The following HECW1 variants were observed in gnomAD, a reference collection of about 807,000 sequenced individuals.
HECW1 encodes HECT, C2 and WW domain containing E3 ubiquitin protein ligase 1, also known as E3 ubiquitin-protein ligase HECW1.
HECW1 carries 61 observed loss-of-function variants against 182.3 expected under a neutral mutation model. That is an observed-to-expected ratio of 0.33 (90% confidence interval 0.27 to 0.41). The LOEUF is 0.41. Among genes scored for constraint, HECW1 ranks in the 10% least tolerant of loss-of-function variants. The pLI is 1.00. For synonymous variants in HECW1, 859 were observed against 832.6 expected (o/e 1.03, Z -0.55); for missense variants, 1,739 against 2,108.9 (o/e 0.82, Z 3.44).
At chr7:43,477,742 A>T (rs2078272577) in intron 16 of HECW1, among the ~76,000 whole-genome samples, 1 of 152,184 alleles carries the variant, frequency 6.6e-6, no homozygotes, top group Non-Finnish European at 1.5e-5. Context: ...CAATTATGAA[A>T]CCACTTCCTG....
At chr7:43,526,915 A>T (rs2152943509) in intron 24 of HECW1, among the ~76,000 whole-genome samples, 1 of 152,278 alleles carries the variant, frequency 6.6e-6, no homozygotes, top group Non-Finnish European at 1.5e-5. Context: ...AGGATCACTT[A>T]ACCCAGGAGG....
At chr7:43,266,838 A>G (rs1441118858) in intron 3 of HECW1, among the ~76,000 whole-genome samples, 1 of 152,252 alleles carries the variant, frequency 6.6e-6, no homozygotes, top group Non-Finnish European at 1.5e-5. Context: ...GGAATGATTA[A>G]AAGTAAAGAC....
intron 2 of HECW1, among the ~76,000 whole-genome samples, chr7:43,134,625 C>G (rs1203852064): frequency 1.3e-5 from 2 of 152,128 alleles, no homozygotes; most frequent in Non-Finnish European, 1.5e-5. Context: ...CCTGCCTCAG[C>G]CTCCTAAGTA....
chr7:43,393,715 ATAAAGATGAAGAGGCTT>A (rs2075126873), intron 6 of HECW1, among the ~76,000 whole-genome samples: 2 of 151,754 alleles, frequency 1.3e-5, no homozygotes, highest in South Asian at 4.2e-4. Context: ...TTTTGATGCA[ATAAAGATGAAGAGGCTT>A]CTTTGTAAAT....
intron 15 of HECW1, among the ~76,000 whole-genome samples, chr7:43,468,447 A>G (rs971383295): frequency 2.0e-5 from 3 of 152,138 alleles, no homozygotes; most frequent in Non-Finnish European, 4.4e-5. Flanking sequence ...CCGTGTCCCA[A>G]GCTGCACAGC....
intron 3 of HECW1, among the ~76,000 whole-genome samples, chr7:43,299,862 AG>A (rs1420662648): frequency 6.6e-6 from 1 of 152,226 alleles, no homozygotes; most frequent in Non-Finnish European, 1.5e-5. Flanking sequence ...TTTTCAAAAT[AG>A]AATTGTTCCT....
At chr7:43,547,581 A>AT (rs35521413) in intron 26 of HECW1, among the ~76,000 whole-genome samples, 3,804 of 152,028 alleles carry the variant, frequency 0.025, 172 homozygotes, top group African/African-American at 0.087. Context: ...TCAATATGAG[A>AT]TAAAAAGATA....
chr7:43,234,477 A>G (rs1299250595), intron 2 of HECW1, among the ~76,000 whole-genome samples: 1 of 150,786 alleles, frequency 6.6e-6, no homozygotes, highest in African/African-American at 2.4e-5. Flanking sequence ...TTCTGGCCAC[A>G]CTGGCCTCTG....
chr7:43,334,894 T>C (rs1584517438), intron 5 of HECW1, among the ~76,000 whole-genome samples: 1 of 152,358 alleles, frequency 6.6e-6, no homozygotes, highest in East Asian at 1.9e-4. Context: ...AATTTGGACC[T>C]ACAGACACAG....
chr7:43,333,376 A>G (rs1384830789), intron 5 of HECW1, among the ~76,000 whole-genome samples: 1 of 152,228 alleles, frequency 6.6e-6, no homozygotes, highest in Non-Finnish European at 1.5e-5. Context: ...CAGGATTTCA[A>G]TCGCTTCCTC....
chr7:43,401,996 T>C (rs766018660), intron 7 of HECW1, among the ~76,000 whole-genome samples: 7 of 151,974 alleles, frequency 4.6e-5, no homozygotes, highest in African/African-American at 7.2e-5. Context: ...AGGAGTTCAG[T>C]TGGGGAAGGT....
chr7:43,130,651 G>A (rs1786811746), intron 2 of HECW1, among the ~76,000 whole-genome samples: 1 of 152,176 alleles, frequency 6.6e-6, no homozygotes, highest in African/African-American at 2.4e-5. Flanking sequence ...CAACACAGTA[G>A]CATCACCAGA....
chr7:43,482,507 C>A (rs2078475805), intron 17 of HECW1, among the ~76,000 whole-genome samples: 1 of 152,150 alleles, frequency 6.6e-6, no homozygotes, highest in Non-Finnish European at 1.5e-5. Context: ...AAAATACATA[C>A]AGAGTTAAGT....
intron 2 of HECW1, among the ~76,000 whole-genome samples, chr7:43,184,136 C>T (rs187509147): frequency 2.0e-4 from 31 of 152,274 alleles, no homozygotes; most frequent in Admixed American, 8.5e-4. Flanking sequence ...GCCTCAGCCT[C>T]CTGAGTAGCT....
At chr7:43,505,862 T>A (rs1456964619) in intron 21 of HECW1, among the ~76,000 whole-genome samples, 1 of 152,220 alleles carries the variant, frequency 6.6e-6, no homozygotes, top group Non-Finnish European at 1.5e-5. Context: ...GTAACTTGTA[T>A]TATATACTCA....
chr7:43,479,780 G>T (rs148674815), intron 17 of HECW1, 36 bp downstream of exon 17: 259 of 1,612,106 alleles, frequency 1.6e-4, no homozygotes, highest in Admixed American at 1.1e-3. Context: ...CTGTTCACCG[G>T]TCACAGTCTC....
At chr7:43,529,268 C>A (rs2152945430) in intron 24 of HECW1, among the ~76,000 whole-genome samples, 1 of 152,276 alleles carries the variant, frequency 6.6e-6, no homozygotes, top group Middle Eastern at 3.4e-3. Flanking sequence ...GCATGGCCTC[C>A]TTCATCCCAG....
chr7:43,176,000 A>G (rs1364312810), intron 2 of HECW1, among the ~76,000 whole-genome samples: 1 of 152,204 alleles, frequency 6.6e-6, no homozygotes, highest in African/African-American at 2.4e-5. Flanking sequence ...CTTTTGGATA[A>G]TTCTTCTCAG....
In HECW1 at chr7:43,396,862, C is replaced by A; in HGVS notation, c.604C>A (p.Arg202=). Residue 202 remains arginine (R), a synonymous_variant, in exon 7 of 30, where the codon CGG becomes AGG. Transcript: ENST00000395891. ...TGAGACCGTCCAAGGACAAGGAAGTCGGAGGCTGATCAGCTTCTCTCTCTC... is the reference window on the plus strand; with the variant it reads ...TGAGACCGTCCAAGGACAAGGAAGTAGGAGGCTGATCAGCTTCTCTCTCTC... The part of the protein sequence containing the change: ...ADETVQGQGS[R]RLISFSLSDF... The A allele has an allele frequency of 3.1e-6, 5 of 1,612,842 alleles. No individual in the cohort carries two copies. Among genetic ancestry groups the A allele is most frequent in the Non-Finnish European group, 4.2e-6 (5 of 1,179,592 alleles).
Sources: gnomAD v4.1 joint callset for allele counts (sites outside exome capture counted in the v4.1 genomes callset) on GRCh38, gnomAD v4.1.1 for gene constraint, MANE v1.5 for transcripts, NCBI Gene and HGNC (gene_info 2026-07-23, HGNC 2026-07-21) for gene names.